NALF1: variants seen among roughly 807,000 people sequenced by gnomAD.
NALF1 encodes family with sequence similarity 155 member A.
NALF1 carries 3 observed loss-of-function variants against 48.4 expected under a neutral mutation model. That is an observed-to-expected ratio of 0.06 (90% CI 0.03 to 0.16). The LOEUF (loss-of-function observed/expected upper bound fraction) is 0.16. Among genes scored for constraint, NALF1 ranks in the 10% least tolerant of loss-of-function variants. The pLI, the probability that NALF1 is intolerant of heterozygous loss-of-function variation, is 1.00. For synonymous variants in NALF1, 262 were observed against 245.7 expected (o/e 1.07, Z -0.62); for missense variants, 526 against 571.5 (o/e 0.92, Z 0.81).
rs74718235 is a variant in NALF1 at position 107,394,713 on chromosome 13, G to A, written c.916-183958C>T. 7.8e-3 allele frequency among the ~76,000 whole-genome samples: 1,182 copies of A among 152,178 alleles called. 17 individuals are homozygous for A. Among genetic ancestry groups the A allele is most frequent in the African/African-American group, 0.026 (1,085 of 41,540 alleles). On this transcript the variant is annotated intron_variant, in intron 1 of 2. Coordinates refer to ENST00000375915, the MANE Select transcript of NALF1 (RefSeq NM_001080396.3). Reference sequence around the variant, plus strand: ...TTTCTCATACAAATGCCTACACTAAGGCAAACTTTTCATAGGAGAAAAATA... The same window carrying A: ...TTTCTCATACAAATGCCTACACTAAAGCAAACTTTTCATAGGAGAAAAATA...
intron 1 of NALF1, among the ~76,000 whole-genome samples, chr13:107,439,539 G>GA (rs1477603993): frequency 3.9e-5 from 6 of 151,990 alleles, no homozygotes; most frequent in Admixed American, 1.3e-4. Flanking sequence ...GTGGTTTTAA[G>GA]AAAAAAAGCC....
At chr13:107,672,646 T>C (rs1283907590) in intron 1 of NALF1, among the ~76,000 whole-genome samples, 1 of 152,220 alleles carries the variant, frequency 6.6e-6, no homozygotes, top group African/African-American at 2.4e-5. Flanking sequence ...TTTCACATTA[T>C]TCTTTTTCTC....
intron 1 of NALF1, among the ~76,000 whole-genome samples, chr13:107,259,086 AACTTCTATAACCCCAG>A (rs1880877996): frequency 6.6e-6 from 1 of 152,086 alleles, no homozygotes; most frequent in African/African-American, 2.4e-5. Context: ...ATCTCCCCTG[AACTTCTATAACCCCAG>A]GATTTCCTTT....
chr13:107,446,782 CT>C (rs1884658030), intron 1 of NALF1, among the ~76,000 whole-genome samples: 1 of 152,178 alleles, frequency 6.6e-6, no homozygotes, highest in South Asian at 2.1e-4. Context: ...TGCAATCTTA[CT>C]ATTTATGTCC....
chr13:107,609,052 T>C (rs553503741), intron 1 of NALF1, among the ~76,000 whole-genome samples: 43 of 152,288 alleles, frequency 2.8e-4, no homozygotes, highest in African/African-American at 1.0e-3. Flanking sequence ...CAAGACACTT[T>C]GGGAGGAAAG....
chr13:107,270,878 T>C (rs1419890334), intron 1 of NALF1, among the ~76,000 whole-genome samples: 1 of 146,840 alleles, frequency 6.8e-6, no homozygotes, highest in Non-Finnish European at 1.5e-5. Context: ...TGTGTTCTCA[T>C]TGTTCAGTTC....
At chr13:107,475,155 G>T (rs1018942641) in intron 1 of NALF1, among the ~76,000 whole-genome samples, 1 of 152,084 alleles carries the variant, frequency 6.6e-6, no homozygotes, top group African/African-American at 2.4e-5. Context: ...AACACTACAG[G>T]CCCCATCATT....
At chr13:107,456,713 C>T (rs1884830495) in intron 1 of NALF1, among the ~76,000 whole-genome samples, 1 of 152,090 alleles carries the variant, frequency 6.6e-6, no homozygotes, top group South Asian at 2.1e-4. Context: ...AGAACACTTC[C>T]TAGACTTCAA....
intron 1 of NALF1, among the ~76,000 whole-genome samples, chr13:107,800,323 A>C (rs1355577354): frequency 6.6e-6 from 1 of 152,064 alleles, no homozygotes; most frequent in Non-Finnish European, 1.5e-5. Flanking sequence ...AACCAACTTG[A>C]ATGATTTTAT....
chr13:107,500,962 G>A (rs1434981315), intron 1 of NALF1, among the ~76,000 whole-genome samples: 2 of 151,734 alleles, frequency 1.3e-5, no homozygotes, highest in South Asian at 2.1e-4. Context: ...TGGGGTGGGG[G>A]GAGTGGGGAG....
intron 1 of NALF1, among the ~76,000 whole-genome samples, chr13:107,286,013 C>A (rs1881486157): frequency 6.6e-6 from 1 of 151,876 alleles, no homozygotes; most frequent in African/African-American, 2.4e-5. Context: ...TGGACAAAAA[C>A]TTCCCAAATT....
At chr13:107,799,035 G>T (rs966535439) in intron 1 of NALF1, among the ~76,000 whole-genome samples, 4 of 152,132 alleles carry the variant, frequency 2.6e-5, no homozygotes, top group African/African-American at 9.7e-5. Flanking sequence ...CAAGTCCTGT[G>T]ACCCGGAAAT....
chr13:107,270,182 C>T (rs1881131833), intron 1 of NALF1, among the ~76,000 whole-genome samples: 1 of 151,960 alleles, frequency 6.6e-6, no homozygotes. Context: ...CAGGAATAAT[C>T]AAGCTTTTTT....
intron 1 of NALF1, among the ~76,000 whole-genome samples, chr13:107,682,515 C>T (rs1395878770): frequency 2.6e-5 from 4 of 152,126 alleles, no homozygotes; most frequent in Admixed American, 2.6e-4. Flanking sequence ...ACATTCAGCT[C>T]AAATATTTCA....
At chr13:107,216,265 C>A (rs756984148) in intron 1 of NALF1, among the ~76,000 whole-genome samples, 13 of 152,310 alleles carry the variant, frequency 8.5e-5, no homozygotes, top group African/African-American at 3.1e-4. Context: ...TGACGCATAA[C>A]GCATGTTGCT....
chr13:107,191,833 ATT>A (rs66566638), intron 2 of NALF1, among the ~76,000 whole-genome samples: 9,441 of 112,106 alleles, frequency 0.084, 198 homozygotes, highest in East Asian at 0.12. Context: ...CACTATGCCT[ATT>A]TTTTTTTTTT....
chr13:107,687,994 T>C (rs938406235), intron 1 of NALF1, among the ~76,000 whole-genome samples: 3 of 152,186 alleles, frequency 2.0e-5, no homozygotes, highest in Non-Finnish European at 4.4e-5. Flanking sequence ...AATACTGGCA[T>C]AGAACTTTAA....
chr13:107,808,136 C>A (rs1878863356), intron 1 of NALF1, among the ~76,000 whole-genome samples: 1 of 152,026 alleles, frequency 6.6e-6, no homozygotes, highest in Admixed American at 6.6e-5. Context: ...GTTGGACAGG[C>A]AGTTGCGGGG....
chr13:107,471,475 C>T (rs4447285), intron 1 of NALF1, among the ~76,000 whole-genome samples: 42,094 of 151,758 alleles, frequency 0.28, 6,882 homozygotes, highest in Middle Eastern at 0.4. Flanking sequence ...GAGGCAATTA[C>T]AGCACAGTTT....
Sources: gnomAD v4.1 joint callset for allele counts (sites outside exome capture counted in the v4.1 genomes callset) on GRCh38, gnomAD v4.1.1 for gene constraint, MANE v1.5 for transcripts, NCBI Gene and HGNC (gene_info 2026-07-23, HGNC 2026-07-21) for gene names.